The following SAMTOR variants were observed in gnomAD, a reference collection of about 807,000 sequenced individuals.
The protein encoded by SAMTOR is UPF0532 protein C7orf60.
the SAMTOR span, among the ~76,000 whole-genome samples, chr7:112,869,603 A>T: frequency 6.6e-6 from 1 of 152,172 alleles, no homozygotes; most frequent in Admixed American, 6.5e-5. Flanking sequence ...AAATTCAAAA[A>T]AAGCAGCACC....
chr7:112,857,550 CATAA>C, the SAMTOR span, among the ~76,000 whole-genome samples: 2 of 152,116 alleles, frequency 1.3e-5, no homozygotes, highest in African/African-American at 4.8e-5. Context: ...TATCTAAAGT[CATAA>C]ATTGCAAAAA....
chr7:112,839,782 T>C, the SAMTOR span, among the ~76,000 whole-genome samples: 2 of 152,022 alleles, frequency 1.3e-5, no homozygotes, highest in East Asian at 1.9e-4. Context: ...TCATTATTTA[T>C]TCAATATTTG....
At chr7:112,886,416 C>A in the SAMTOR span, among the ~76,000 whole-genome samples, 1 of 152,188 alleles carries the variant, frequency 6.6e-6, no homozygotes, top group South Asian at 2.1e-4. Context: ...CCCATTTATA[C>A]TCTTCAACCT....
chr7:112,838,809 T>G, the SAMTOR span, among the ~76,000 whole-genome samples: 1 of 151,852 alleles, frequency 6.6e-6, no homozygotes, highest in African/African-American at 2.4e-5. Flanking sequence ...AGTGCTGATA[T>G]AGTCATCTTG....
chr7:112,898,240 G>A, the SAMTOR span, among the ~76,000 whole-genome samples: 31 of 152,310 alleles, frequency 2.0e-4, no homozygotes, highest in East Asian at 5.6e-3. Flanking sequence ...CCAGACCATG[G>A]CAACTGTAGT....
the SAMTOR span, among the ~76,000 whole-genome samples, chr7:112,892,903 T>G: frequency 6.6e-6 from 1 of 152,186 alleles, no homozygotes; most frequent in Non-Finnish European, 1.5e-5. Context: ...ATCAGAGCTC[T>G]TGGGTGACCT....
the SAMTOR span, among the ~76,000 whole-genome samples, chr7:112,923,975 T>G: frequency 3.4e-5 from 5 of 148,150 alleles, no homozygotes; most frequent in African/African-American, 5.0e-5. Context: ...TTCTCACTCA[T>G]AGGTGGGAAT....
the SAMTOR span, among the ~76,000 whole-genome samples, chr7:112,918,477 C>G: frequency 1.3e-5 from 2 of 152,216 alleles, no homozygotes; most frequent in African/African-American, 4.8e-5. Context: ...CAACCACTAC[C>G]AGCCACTGCA....
the SAMTOR span, among the ~76,000 whole-genome samples, chr7:112,887,218 T>G: frequency 6.6e-6 from 1 of 151,162 alleles, no homozygotes; most frequent in Non-Finnish European, 1.5e-5. Flanking sequence ...TATTCGTTTT[T>G]AAAAAGATCG....
chr7:112,831,042 A>G, the SAMTOR span, among the ~76,000 whole-genome samples: 1 of 152,144 alleles, frequency 6.6e-6, no homozygotes, highest in Non-Finnish European at 1.5e-5. Context: ...TATTTAAAAA[A>G]GTATTAAATA....
At chr7:112,845,338 T>C in the SAMTOR span, among the ~76,000 whole-genome samples, 1 of 152,026 alleles carries the variant, frequency 6.6e-6, no homozygotes, top group South Asian at 2.1e-4. Flanking sequence ...TTACAAACTA[T>C]GCATTGACAA....
chr7:112,831,171 C>T, the SAMTOR span, among the ~76,000 whole-genome samples: 1 of 152,032 alleles, frequency 6.6e-6, no homozygotes, highest in Non-Finnish European at 1.5e-5. Flanking sequence ...CATTTTGTAA[C>T]TATTTAAATG....
the SAMTOR span, among the ~76,000 whole-genome samples, chr7:112,824,438 G>A: frequency 2.0e-5 from 3 of 151,934 alleles, no homozygotes; most frequent in Admixed American, 6.6e-5. Flanking sequence ...TTGGCTCACC[G>A]CAACCTCCGC....
chr7:112,827,871 T>G, the SAMTOR span, among the ~76,000 whole-genome samples: 15 of 152,156 alleles, frequency 9.9e-5, no homozygotes, highest in East Asian at 2.7e-3. Flanking sequence ...AAGTGCACCA[T>G]GCGTGGCTAA....
the SAMTOR span, chr7:112,822,346 A>G: frequency 1.9e-6 from 3 of 1,606,112 alleles, 1 homozygote; most frequent in Middle Eastern, 3.3e-4. Flanking sequence ...TGAAGCTGTA[A>G]GTTCAGGAAA....
At chr7:112,839,892 T>C in the SAMTOR span, among the ~76,000 whole-genome samples, 3 of 151,796 alleles carry the variant, frequency 2.0e-5, no homozygotes, top group Non-Finnish European at 4.4e-5. Flanking sequence ...CCTTTATCTC[T>C]AGCAATGATA....
chr7:112,931,828 C>G, the SAMTOR span, among the ~76,000 whole-genome samples: 2 of 151,832 alleles, frequency 1.3e-5, no homozygotes. Flanking sequence ...GATTTTGTAA[C>G]TAGTATAAAT....
the SAMTOR span, among the ~76,000 whole-genome samples, chr7:112,915,109 G>A: frequency 1.3e-5 from 2 of 151,942 alleles, no homozygotes; most frequent in African/African-American, 4.8e-5. Context: ...ACAGTGGTGG[G>A]TGCCTATAAT....
At chr7:112,920,726 T>C in the SAMTOR span, among the ~76,000 whole-genome samples, 1 of 148,410 alleles carries the variant, frequency 6.7e-6, no homozygotes, top group Non-Finnish European at 1.5e-5. Flanking sequence ...AAAATCTCCT[T>C]AAGCTGATAA....
Sources: gnomAD v4.1 joint callset for allele counts (sites outside exome capture counted in the v4.1 genomes callset) on GRCh38, gnomAD v4.1.1 for gene constraint, MANE v1.5 for transcripts, NCBI Gene and HGNC (gene_info 2026-07-23, HGNC 2026-07-21) for gene names.